Variants in PCDH11X observed in about 807,000 individuals in gnomAD.
PCDH11X encodes protocadherin-11 X-linked.
PCDH11X carries 18 observed loss-of-function variants against 53.3 expected under a neutral mutation model. That is an observed-to-expected ratio of 0.34 (90% CI 0.23 to 0.50). The LOEUF (loss-of-function observed/expected upper bound fraction) is 0.50. Ranked by LOEUF, PCDH11X falls within the 20% of genes least tolerant of loss-of-function variation. The pLI, the probability that PCDH11X is intolerant of heterozygous loss-of-function variation, is 0.98. For synonymous variants in PCDH11X, 279 were observed against 393.3 expected (o/e 0.71, Z 3.44); for missense variants, 570 against 1,032.4 (o/e 0.55, Z 6.14).
At position 92,151,462 on chromosome X, in the gene PCDH11X, G is replaced by T. The variant is rs1307037944; in HGVS notation, c.3034-49913G>T. On this transcript the variant is annotated intron_variant, in intron 6 of 10. Transcript: ENST00000682573. ...CTGCCTCAGCCTCCCAAAGTGCTGG[G>T]ATTACAGGCTTGAGCCACCACGCCC... is the stretch of plus-strand genomic sequence containing the variant. 7.2e-5 allele frequency among the ~76,000 whole-genome samples: 8 copies of T among 111,606 alleles called. No homozygotes were observed. The Admixed American group carries it at 7.7e-4, about 11-fold the overall frequency.
At chrX:92,165,189 G>T (rs1410068517) in intron 6 of PCDH11X, among the ~76,000 whole-genome samples, 1 of 111,768 alleles carries the variant, frequency 8.9e-6, no homozygotes. Context: ...ATCATAAATA[G>T]AGTTTAAAAA....
At chrX:91,788,222 T>C (rs1352938726) in intron 1 of PCDH11X, among the ~76,000 whole-genome samples, 2 of 111,711 alleles carry the variant, frequency 1.8e-5, no homozygotes, top group Middle Eastern at 4.7e-3. Context: ...AAAACTTGTT[T>C]GTTTTTTGTT....
At chrX:92,370,332 T>C (rs2070585700) in intron 8 of PCDH11X, among the ~76,000 whole-genome samples, 1 of 108,849 alleles carries the variant, frequency 9.2e-6, no homozygotes, top group South Asian at 3.9e-4. Flanking sequence ...ATATTATCTA[T>C]CCTGCAGATA....
chrX:92,153,600 T>C (rs947487308), intron 6 of PCDH11X, among the ~76,000 whole-genome samples: 2 of 111,369 alleles, frequency 1.8e-5, no homozygotes, highest in Non-Finnish European at 3.8e-5. Flanking sequence ...GTTGCCTGTA[T>C]GTTTACTAAT....
chrX:92,317,607 T>C (rs1266830188), intron 8 of PCDH11X, among the ~76,000 whole-genome samples: 1 of 111,097 alleles, frequency 9.0e-6, no homozygotes, highest in African/African-American at 3.3e-5. Flanking sequence ...AATAAATCTA[T>C]AGCATATTTT....
At chrX:91,871,746 G>A (rs2524528) in intron 5 of PCDH11X, among the ~76,000 whole-genome samples, 6 of 110,824 alleles carry the variant, frequency 5.4e-5, no homozygotes, top group South Asian at 7.4e-4. Context: ...CACATCCAAC[G>A]TCAACTTTCT....
intron 6 of PCDH11X, among the ~76,000 whole-genome samples, chrX:91,895,373 G>A (rs1432268696): frequency 1.8e-5 from 2 of 111,264 alleles, no homozygotes; most frequent in Admixed American, 9.6e-5. Flanking sequence ...ATTGAGACAG[G>A]GAGAGGGTGC....
intron 10 of PCDH11X, among the ~76,000 whole-genome samples, chrX:92,506,199 A>G (rs1197371443): frequency 2.2e-5 from 2 of 92,404 alleles, no homozygotes; most frequent in African/African-American, 7.8e-5. Context: ...TTATTTGGAT[A>G]CATTTTCTTT....
At chrX:92,439,000 A>G (rs1303034946) in intron 9 of PCDH11X, among the ~76,000 whole-genome samples, 3 of 111,400 alleles carry the variant, frequency 2.7e-5, no homozygotes, top group African/African-American at 9.8e-5. Flanking sequence ...TTGGATGTAT[A>G]TGTCATGACA....
chrX:91,975,417 A>G (rs1389283786), intron 6 of PCDH11X, among the ~76,000 whole-genome samples: 1 of 111,630 alleles, frequency 9.0e-6, no homozygotes, highest in Non-Finnish European at 1.9e-5. Context: ...ATATCTATGT[A>G]GAGATGCTGA....
chrX:91,839,810 A>G (rs964716095), intron 5 of PCDH11X, among the ~76,000 whole-genome samples: 2 of 111,291 alleles, frequency 1.8e-5, no homozygotes, highest in African/African-American at 3.3e-5. Flanking sequence ...GATGTTATTA[A>G]TAGTTACCAC....
chrX:92,255,134 T>C (rs2067544293), intron 7 of PCDH11X, among the ~76,000 whole-genome samples: 1 of 106,798 alleles, frequency 9.4e-6, no homozygotes, highest in East Asian at 2.9e-4. Context: ...GAGGCTTTGC[T>C]CGTTTCTTTT....
chrX:92,508,608 TAA>T (rs909757820), intron 10 of PCDH11X, among the ~76,000 whole-genome samples: 2 of 110,473 alleles, frequency 1.8e-5, no homozygotes, highest in Non-Finnish European at 3.8e-5. Flanking sequence ...GATATAAAGC[TAA>T]GACTTAAATA....
intron 6 of PCDH11X, among the ~76,000 whole-genome samples, chrX:91,972,861 A>T: frequency 9.0e-6 from 1 of 111,380 alleles, no homozygotes; most frequent in Non-Finnish European, 1.9e-5. Flanking sequence ...TAGTTCAACC[A>T]TTGTGGAAGT....
chrX:92,033,670 G>C (rs2148018249), intron 6 of PCDH11X, among the ~76,000 whole-genome samples: 1 of 108,187 alleles, frequency 9.2e-6, no homozygotes, highest in Admixed American at 1.0e-4. Flanking sequence ...CTAAAAGTTT[G>C]TCAATTATGT....
At chrX:92,209,934 C>T (rs1388976493) in intron 7 of PCDH11X, among the ~76,000 whole-genome samples, 3 of 112,143 alleles carry the variant, frequency 2.7e-5, no homozygotes, top group African/African-American at 6.5e-5. Flanking sequence ...GGGCTTGCAC[C>T]TGCTGAAGCA....
At chrX:91,841,201 G>A (rs1312653418) in intron 5 of PCDH11X, among the ~76,000 whole-genome samples, 1 of 111,466 alleles carries the variant, frequency 9.0e-6, no homozygotes, top group Non-Finnish European at 1.9e-5. Context: ...ACAAATGAGA[G>A]TGTGACACTA....
At chrX:92,386,463 A>G (rs2071013831) in intron 8 of PCDH11X, among the ~76,000 whole-genome samples, 1 of 109,254 alleles carries the variant, frequency 9.2e-6, no homozygotes. Flanking sequence ...ATAGCAAACC[A>G]TCAGTAATCT....
chrX:92,298,154 T>C (rs1271259903), intron 8 of PCDH11X, among the ~76,000 whole-genome samples: 1 of 111,723 alleles, frequency 9.0e-6, no homozygotes, highest in Non-Finnish European at 1.9e-5. Flanking sequence ...TCTTGTCTGA[T>C]TGCTCTGTCC....
Sources: gnomAD v4.1 joint callset for allele counts (sites outside exome capture counted in the v4.1 genomes callset) on GRCh38, gnomAD v4.1.1 for gene constraint, MANE v1.5 for transcripts, NCBI Gene and HGNC (gene_info 2026-07-23, HGNC 2026-07-21) for gene names.